WDR7: variants seen among roughly 807,000 people sequenced by gnomAD.
WDR7 encodes WD repeat domain 7.
Under a neutral mutation model 169.4 loss-of-function variants are expected in WDR7, and 46 were observed. The ratio of observed to expected loss-of-function variants is 0.27; its 90% CI spans 0.21 to 0.35. WDR7 has a LOEUF of 0.35. Among genes scored for constraint, WDR7 ranks in the 10% least tolerant of loss-of-function variants. WDR7 has a pLI of 1.00. For missense variants in WDR7, 1,534 were observed against 1,859.3 expected, an observed-to-expected ratio of 0.83 and a Z score of 3.22; for synonymous variants, 612 against 666.8, an observed-to-expected ratio of 0.92 and a Z score of 1.27.
intron 12 of WDR7, among the ~76,000 whole-genome samples, chr18:56,717,616 C>A (rs1297939374): frequency 6.6e-6 from 1 of 152,204 alleles, no homozygotes; most frequent in Non-Finnish European, 1.5e-5. Flanking sequence ...AAGGAAAGTT[C>A]ACACTGTGGA....
chr18:56,666,427 C>T (rs2025026172), intron 1 of WDR7, among the ~76,000 whole-genome samples: 1 of 151,934 alleles, frequency 6.6e-6, no homozygotes, highest in Non-Finnish European at 1.5e-5. Flanking sequence ...GTCTCAAACT[C>T]CCAACCTCAG....
chr18:56,739,975 A>T (rs1456823770), intron 14 of WDR7, among the ~76,000 whole-genome samples: 1 of 151,246 alleles, frequency 6.6e-6, no homozygotes, highest in South Asian at 2.1e-4. Flanking sequence ...TCTTGAGGCC[A>T]TTATCTTTTC....
At chr18:56,928,504 A>G (rs571888388) in intron 22 of WDR7, among the ~76,000 whole-genome samples, 9 of 152,308 alleles carry the variant, frequency 5.9e-5, no homozygotes, top group East Asian at 1.9e-4. Flanking sequence ...TTCCTTCCCA[A>G]TTATCTCAGG....
chr18:56,945,275 C>T (rs751320), intron 25 of WDR7, among the ~76,000 whole-genome samples: 18,115 of 152,102 alleles, frequency 0.12, 3,508 homozygotes, highest in African/African-American at 0.41. Flanking sequence ...TAGGGGCCAA[C>T]GTGCAAAGAA....
intron 26 of WDR7, among the ~76,000 whole-genome samples, chr18:56,971,994 G>A (rs2047495508): frequency 6.6e-6 from 1 of 152,146 alleles, no homozygotes; most frequent in Admixed American, 6.5e-5. Context: ...CATAGTATTA[G>A]CAAAATATTA....
chr18:56,923,586 T>G (rs777620353), intron 21 of WDR7, among the ~76,000 whole-genome samples: 1 of 152,242 alleles, frequency 6.6e-6, no homozygotes, highest in Non-Finnish European at 1.5e-5. Flanking sequence ...ATTACATTAT[T>G]TGAAACCATC....
At chr18:57,015,298 G>A (rs187934769) in intron 26 of WDR7, among the ~76,000 whole-genome samples, 3 of 152,182 alleles carry the variant, frequency 2.0e-5, no homozygotes, top group African/African-American at 7.2e-5. Context: ...CCTTCTAATC[G>A]GCCATAGATG....
intron 19 of WDR7, among the ~76,000 whole-genome samples, chr18:56,794,668 A>G (rs1029465871): frequency 1.3e-5 from 2 of 152,198 alleles, no homozygotes; most frequent in Admixed American, 6.5e-5. Flanking sequence ...CCAAAAAATT[A>G]AAACCAATTT....
At chr18:56,942,551 T>C (rs2047048467) in intron 25 of WDR7, among the ~76,000 whole-genome samples, 1 of 152,224 alleles carries the variant, frequency 6.6e-6, no homozygotes, top group South Asian at 2.1e-4. Context: ...TATTAATCTT[T>C]CTTAAATGTA....
chr18:56,684,847 A>G (rs534497187), intron 5 of WDR7, among the ~76,000 whole-genome samples: 3 of 152,332 alleles, frequency 2.0e-5, no homozygotes, highest in Non-Finnish European at 4.4e-5. Flanking sequence ...TATGCATATT[A>G]GAGAATTACT....
chr18:56,748,764 A>G (rs1305095373), intron 14 of WDR7, among the ~76,000 whole-genome samples: 2 of 152,160 alleles, frequency 1.3e-5, no homozygotes, highest in Non-Finnish European at 2.9e-5. Flanking sequence ...GATGAATAAT[A>G]GTATATATTG....
intron 20 of WDR7, among the ~76,000 whole-genome samples, chr18:56,855,697 A>G (rs2145387381): frequency 6.6e-6 from 1 of 152,302 alleles, no homozygotes; most frequent in Non-Finnish European, 1.5e-5. Context: ...TGTTTTACTT[A>G]CTGCGGCTTT....
intron 6 of WDR7, among the ~76,000 whole-genome samples, chr18:56,686,297 A>C (rs1475740616): frequency 2.6e-5 from 4 of 152,162 alleles, no homozygotes; most frequent in African/African-American, 9.6e-5. Flanking sequence ...AGAAACGTAA[A>C]AGAGGTGAGG....
chr18:56,778,645 C>A (rs1337273038), intron 17 of WDR7, among the ~76,000 whole-genome samples: 1 of 152,040 alleles, frequency 6.6e-6, no homozygotes, highest in Non-Finnish European at 1.5e-5. Context: ...TTGGGAATGT[C>A]TGTTATCTAA....
At chr18:56,668,902 T>G (rs963038647) in intron 1 of WDR7, among the ~76,000 whole-genome samples, 7 of 143,516 alleles carry the variant, frequency 4.9e-5, no homozygotes, top group African/African-American at 1.2e-4. Context: ...ATCTGTGTTT[T>G]TTTTTTTTTT....
intron 7 of WDR7, among the ~76,000 whole-genome samples, chr18:56,690,446 T>C (rs1402582704): frequency 4.6e-5 from 7 of 152,160 alleles, no homozygotes; most frequent in Non-Finnish European, 1.0e-4. Flanking sequence ...TTTTAGAACA[T>C]TGATGAAATA....
rs531859995 is a variant in WDR7 at position 56,679,570 on chromosome 18, A to G, written c.266+132A>G. On this transcript the variant is annotated intron_variant, in intron 3 of 27. Transcript: ENST00000254442. ...TAAATGCTTTGTATTGTCTAAATCTAAATGTAGATATTTAAAATCTGATTT... is the reference window on the plus strand; with the variant it reads ...TAAATGCTTTGTATTGTCTAAATCTGAATGTAGATATTTAAAATCTGATTT... The G allele has an allele frequency of 3.8e-5, 20 of 526,286 alleles. No homozygotes were observed. The East Asian group carries it at 6.2e-4, about 16-fold the overall frequency. The allele number at this position is 526,286 out of a possible 1,614,324, so 32.6% of individuals were successfully genotyped here.
chr18:56,932,807 C>G (rs1168702073), intron 22 of WDR7, among the ~76,000 whole-genome samples: 5 of 152,070 alleles, frequency 3.3e-5, no homozygotes, highest in Non-Finnish European at 1.5e-5. Context: ...GTGGCATGAA[C>G]CCTGAAGATC....
At chr18:56,696,115 AG>A in intron 11 of WDR7, 126 bp from the exon 12 acceptor site, 1 of 764,122 alleles carries the variant, frequency 1.3e-6, no homozygotes, top group Non-Finnish European at 2.1e-6. Context: ...TTGTGTTAGA[AG>A]ATAAAATTGG....
Sources: allele counts gnomAD v4.1 joint callset (sites outside exome capture counted in the v4.1 genomes callset), GRCh38; gene constraint gnomAD v4.1.1; transcripts MANE v1.5; gene names NCBI Gene and HGNC (gene_info 2026-07-23, HGNC 2026-07-21).